The following CTIF variants were observed in gnomAD, a reference collection of about 807,000 sequenced individuals.
CTIF encodes the protein CBP80/20-dependent translation initiation factor.
A neutral mutation model predicts 66.0 loss-of-function variants in CTIF; 21 were observed. The ratio of observed to expected loss-of-function variants is 0.32; its 90% CI spans 0.23 to 0.46. The LOEUF (loss-of-function observed/expected upper bound fraction) is 0.46, where lower values mean the gene tolerates loss of function less well. CTIF is among the 20% of genes least tolerant of loss of function. CTIF has a pLI of 1.00. For synonymous variants in CTIF, 345 were observed against 326.4 expected (o/e 1.06, Z -0.62); for missense variants, 739 against 812.7 (o/e 0.91, Z 1.10).
rs566214230 is a variant in CTIF, at chr18:48,733,230, G to A, written c.584+21535G>A. ...TTATAGATAAGGGAGGAGGCGAGGA[G>A]GGGCCGAGAGGGAAGTGGGAAACTG... On this transcript the variant is annotated intron_variant, in intron 7 of 11. Coordinates refer to ENST00000256413, the MANE Select transcript of CTIF (RefSeq NM_014772.3). 4.0e-4 allele frequency among the ~76,000 whole-genome samples: 59 copies of A among 147,776 alleles called. 2 individuals are homozygous for A. In the South Asian group the frequency reaches 0.013, roughly 32 times the overall value.
At chr18:48,681,033 C>T (rs1048291222) in intron 6 of CTIF, among the ~76,000 whole-genome samples, 7 of 152,236 alleles carry the variant, frequency 4.6e-5, no homozygotes, top group Non-Finnish European at 7.3e-5. Flanking sequence ...GCTGACCCGC[C>T]GGCAGGCGGC....
chr18:48,540,688 C>T (rs2088589005), intron 1 of CTIF, among the ~76,000 whole-genome samples: 1 of 152,044 alleles, frequency 6.6e-6, no homozygotes. Flanking sequence ...GAGGCGTCGC[C>T]TCCCCCGCCC....
At chr18:48,770,494 G>T (rs368872284) in intron 9 of CTIF, among the ~76,000 whole-genome samples, 7 of 152,252 alleles carry the variant, frequency 4.6e-5, no homozygotes, top group Admixed American at 4.6e-4. Flanking sequence ...AGGGAGCCTT[G>T]GACAAAAGTC....
At position 48,691,787 on chromosome 18, in the gene CTIF, G is replaced by A. The variant is rs544010781; in HGVS notation, c.508-19832G>A. On this transcript the variant is annotated intron_variant, in intron 6 of 11. Transcript: ENST00000256413. ...TGGCCTGAGACAGATCTGAAGCCCT[G>A]GAATGTTTCTTCACTCCCTCATCTA... Among the ~76,000 whole-genome samples the A allele has an allele frequency of 2.0e-5, 3 of 152,250 alleles. No homozygotes were observed. The East Asian group carries it at 5.8e-4, about 29-fold the overall frequency.
intron 5 of CTIF, 79 bp from the exon 6 acceptor site, chr18:48,670,590 C>G (rs1344278796): frequency 3.8e-6 from 5 of 1,326,588 alleles, no homozygotes; most frequent in Non-Finnish European, 5.4e-6. Context: ...CTGACTGTCC[C>G]TCCTCTCCTG....
At chr18:48,838,901 C>T (rs1054348574) in intron 10 of CTIF, among the ~76,000 whole-genome samples, 2 of 152,108 alleles carry the variant, frequency 1.3e-5, no homozygotes, top group Non-Finnish European at 2.9e-5. Flanking sequence ...CCTGACACCT[C>T]CCCGGGCCTG....
At chr18:48,567,448 T>G (rs1176210578) in intron 1 of CTIF, 1 of 152,230 alleles carries the variant, frequency 6.6e-6, no homozygotes, top group East Asian at 1.9e-4. Flanking sequence ...GAGCAGCAAA[T>G]GTCATTGAGT....
intron 3 of CTIF, among the ~76,000 whole-genome samples, chr18:48,647,963 T>TG (rs1215277769): frequency 6.6e-6 from 1 of 152,090 alleles, no homozygotes; most frequent in Non-Finnish European, 1.5e-5. Context: ...GGTGTTGGAA[T>TG]GGGGGGTGTT....
At chr18:48,708,977 CGAT>C (rs113622427) in intron 6 of CTIF, among the ~76,000 whole-genome samples, 3 of 152,050 alleles carry the variant, frequency 2.0e-5, no homozygotes, top group African/African-American at 7.2e-5. Context: ...GGAAAGATAA[CGAT>C]GATGATGATG....
In CTIF at chr18:48,849,326, T is replaced by C. The variant is rs1053253121; in HGVS notation, c.1528-8262T>C. Among the ~76,000 whole-genome samples the C allele has an allele frequency of 8.0e-5, 12 of 149,766 alleles. No homozygotes were observed. The Admixed American group carries it at 8.1e-4, about 10-fold the overall frequency. On this transcript the variant is annotated intron_variant, in intron 10 of 11. Coordinates refer to ENST00000256413, the MANE Select transcript of CTIF (RefSeq NM_014772.3). ...GATTCTCCTGCCTCAGCATCCCAAG[T>C]AGCTAGAATTACAGGCGTCTGCCAC... is the stretch of plus-strand genomic sequence containing the variant.
chr18:48,542,329 G>A (rs1297986487), intron 1 of CTIF, among the ~76,000 whole-genome samples: 1 of 152,208 alleles, frequency 6.6e-6, no homozygotes, highest in Non-Finnish European at 1.5e-5. Context: ...TGTGTTCATT[G>A]AGTCTTTATT....
chr18:48,695,192 A>G (rs1411996602), intron 6 of CTIF, among the ~76,000 whole-genome samples: 1 of 152,252 alleles, frequency 6.6e-6, no homozygotes, highest in Non-Finnish European at 1.5e-5. Flanking sequence ...AAATGTATGC[A>G]TTCAGTGCTG....
rs187779861 is a variant in CTIF, at chr18:48,810,821, A to G, written c.1372-6400A>G. 3.9e-3 allele frequency among the ~76,000 whole-genome samples: 589 copies of G among 151,504 alleles called. 3 individuals carry two copies. Among genetic ancestry groups the G allele is most frequent in the African/African-American group, 0.014 (576 of 41,394 alleles). On this transcript the variant is annotated intron_variant, in intron 9 of 11. Transcript: ENST00000256413. The stretch of plus-strand genomic sequence containing the variant: ...TCTTTATTATGGATTGTATTTTTAT[A>G]TATAAAACCTTATAATTTTATTTAA...
intron 9 of CTIF, among the ~76,000 whole-genome samples, chr18:48,765,684 T>C (rs918714777): frequency 2.0e-5 from 3 of 152,138 alleles, no homozygotes; most frequent in African/African-American, 7.2e-5. Flanking sequence ...CCTTTAACCC[T>C]TCCCAGCCAG....
intron 1 of CTIF, among the ~76,000 whole-genome samples, chr18:48,580,895 G>A (rs1211911311): frequency 6.6e-6 from 1 of 152,226 alleles, no homozygotes; most frequent in African/African-American, 2.4e-5. Context: ...AGGGCCGGGG[G>A]CACGGGATTG....
At chr18:48,774,069 G>A (rs1359061043) in intron 9 of CTIF, among the ~76,000 whole-genome samples, 2 of 152,184 alleles carry the variant, frequency 1.3e-5, no homozygotes, top group Non-Finnish European at 2.9e-5. Flanking sequence ...CCACCAAGAG[G>A]TCAGGAACAC....
intron 7 of CTIF, among the ~76,000 whole-genome samples, chr18:48,730,832 G>A (rs931147615): frequency 2.4e-4 from 36 of 149,026 alleles, no homozygotes; most frequent in African/African-American, 8.8e-4. Flanking sequence ...AGGGGCTTCC[G>A]TGGTGTGAGG....
chr18:48,851,434 T>A (rs1175463622), intron 10 of CTIF, among the ~76,000 whole-genome samples: 1 of 152,188 alleles, frequency 6.6e-6, no homozygotes, highest in Non-Finnish European at 1.5e-5. Context: ...CCCCTGGGAC[T>A]CCGGGAGGCT....
chr18:48,814,400 A>G (rs2068320312), intron 9 of CTIF, among the ~76,000 whole-genome samples: 1 of 152,300 alleles, frequency 6.6e-6, no homozygotes, highest in African/African-American at 2.4e-5. Flanking sequence ...CAGCAGCCTC[A>G]GAGTTCCTCC....
Sources: gnomAD v4.1 joint callset for allele counts (sites outside exome capture counted in the v4.1 genomes callset) on GRCh38, gnomAD v4.1.1 for gene constraint, MANE v1.5 for transcripts, NCBI Gene and HGNC (gene_info 2026-07-23, HGNC 2026-07-21) for gene names.